The following FAM50A variants were observed in gnomAD, a reference collection of about 807,000 sequenced individuals.
FAM50A encodes protein FAM50A.
FAM50A carries 6 observed loss-of-function variants against 35.5 expected under a neutral mutation model. The ratio of observed to expected loss-of-function variants is 0.17; its 90% CI spans 0.09 to 0.33. The LOEUF (loss-of-function observed/expected upper bound fraction) is 0.33, where lower values mean the gene tolerates loss of function less well. FAM50A is among the 10% of genes least tolerant of loss of function. The pLI, the probability that FAM50A is intolerant of heterozygous loss-of-function variation, is 1.00. For missense variants in FAM50A, 145 were observed against 295.5 expected (o/e 0.49, Z 3.73); for synonymous variants, 120 against 110.9 (o/e 1.08, Z -0.52).
chrX:154,449,760 C>T (rs374055296), intron 9 of FAM50A, 25 bp downstream of exon 9: 100 of 1,196,453 alleles, frequency 8.4e-5, no homozygotes, highest in Non-Finnish European at 1.1e-4. Flanking sequence ...CCCCAGTACC[C>T]GCAGTGGGTG....
At position 154,450,041 on chromosome X, in the gene FAM50A, A is replaced by C; in HGVS notation, c.842A>C (p.Asn281Thr). Reference sequence around the variant, plus strand: ...TTCTCCCCTGCAGGACCACTCTTCAACTTTGATGTTCATGACGATGTGCGG... The same window carrying C: ...TTCTCCCCTGCAGGACCACTCTTCACCTTTGATGTTCATGACGATGTGCGG... ...KARGKSGPLF[N>T]FDVHDDVRLL... The change falls in exon 11 of 13, where the codon AAC becomes ACC. Residue 281 changes from asparagine to threonine, a missense_variant. Transcript: ENST00000393600. 1 of 1,210,934 alleles carries C rather than the reference A, an allele frequency of 8.3e-7. No homozygotes were observed. Among genetic ancestry groups the C allele is most frequent in the Non-Finnish European group, 1.1e-6 (1 of 895,034 alleles).
At chrX:154,447,504 A>G in intron 4 of FAM50A, among the ~76,000 whole-genome samples, 1 of 112,228 alleles carries the variant, frequency 8.9e-6, no homozygotes, top group Non-Finnish European at 1.9e-5. Flanking sequence ...AAAAGAAACA[A>G]GCAGGATTTT....
Position 154,448,723 on chromosome X carries a change from C to G in FAM50A, c.553C>G (p.Gln185Glu). 8.3e-7 allele frequency: 1 copy of G among 1,210,092 alleles called. No individual in the cohort carries two copies. The highest frequency in any genetic ancestry group is 1.1e-6 in the Non-Finnish European group (1 of 894,915). ...EENRLREELR[Q>E]EWEAKQEKIK... ...GAATCGGCTTCGGGAAGAGCTGCGG[C>G]AGGAGTGGGAAGCCAAGCAGGAGAA... Residue 185 changes from glutamine (Q) to glutamate (E), a missense_variant, in exon 6 of 13, where the codon CAG (glutamine) becomes GAG (glutamate). This residue lies in a region of FAM50A where 59 missense variants were observed against 164.5 expected (regional missense o/e 0.36). Coordinates refer to ENST00000393600, the MANE Select transcript of FAM50A (RefSeq NM_004699.4).
At chrX:154,448,059 C>CTTTTTTT (rs1324356165) in intron 4 of FAM50A, among the ~76,000 whole-genome samples, 2 of 84,801 alleles carry the variant, frequency 2.4e-5, no homozygotes, top group African/African-American at 1.3e-4. Flanking sequence ...TTGTTCTTTT[C>CTTTTTTT]TTTTTTTTCT....
Position 154,448,512 on chromosome X carries a change from G to A in FAM50A, c.471G>A (p.Gly157=). ...EEITTKKRKL[G]KNPDVDTSFL... ...TCACCACGAAGAAGAGAAAACTGGG[G>A]AAGAACCCAGACGTTGACACAAGCT... Residue 157 remains glycine (G), a synonymous_variant, in exon 5 of 13, where the codon GGG becomes GGA. Coordinates refer to ENST00000393600, the MANE Select transcript of FAM50A (RefSeq NM_004699.4). The A allele has an allele frequency of 8.3e-7, 1 of 1,210,158 alleles. No individual in the cohort carries two copies. The highest frequency in any genetic ancestry group is 1.1e-6 in the Non-Finnish European group (1 of 894,436).
At chrX:154,446,041 G>T (rs1467526695) in intron 3 of FAM50A, 130 bp downstream of exon 3, 1 of 490,630 alleles carries the variant, frequency 2.0e-6, no homozygotes, top group Non-Finnish European at 3.5e-6. Flanking sequence ...TCTAGCTTGC[G>T]ATTTGCATTT....
chrX:154,446,814 G>A (rs187731614), intron 4 of FAM50A, among the ~76,000 whole-genome samples: 79 of 112,498 alleles, frequency 7.0e-4, no homozygotes, highest in African/African-American at 2.5e-3. Context: ...TGCCTCGTAT[G>A]ACTGGGGCAC....
intron 4 of FAM50A, among the ~76,000 whole-genome samples, chrX:154,448,072 C>CTTTTTTTTTTTTTTTTTTTTTTTTTTTT (rs781847663): frequency 2.4e-5 from 2 of 82,850 alleles, no homozygotes; most frequent in East Asian, 3.4e-4. Flanking sequence ...TTTTTTCTTT[C>CTTTTTTTTTTTTTTTTTTTTTTTTTTTT]TTTTTTTTTT....
rs2068799741 is a variant in FAM50A, at chrX:154,450,170, G to T, written c.901-39G>T. On this transcript the variant is annotated intron_variant, in intron 11 of 12. Transcript: ENST00000393600. ...TATGGAGGAGAAGCCAAGGGAAGGG[G>T]AGGTCAGCAGGCGGCCCTGTGCCCT... 2.5e-6 allele frequency: 3 copies of T among 1,200,221 alleles called. No homozygotes were observed. In the South Asian group the frequency reaches 5.3e-5, roughly 21 times the overall value.
rs782240521 is a variant in FAM50A, at chrX:154,450,619, G to A, written c.*187G>A. 4.2e-5 allele frequency: 19 copies of A among 454,873 alleles called. No homozygotes were observed. Among genetic ancestry groups the A allele is most frequent in the Non-Finnish European group, 6.1e-5 (16 of 264,385 alleles). 37.5% of individuals were successfully genotyped at this position (454,873 alleles called of 1,213,427 possible). The stretch of plus-strand genomic sequence containing the variant: ...ATTCTTTTCCAATAAAGAAGTGCAC[G>A]TGTCAGAGCTGGAGCGCCTGCATTG... On this transcript the variant is annotated 3_prime_UTR_variant, in exon 13 of 13. Coordinates refer to ENST00000393600, the MANE Select transcript of FAM50A (RefSeq NM_004699.4).
At position 154,448,720 on chromosome X, in the gene FAM50A, C is replaced by T. The variant is rs782214551; in HGVS notation, c.550C>T (p.Arg184Trp). 1.7e-6 allele frequency: 2 copies of T among 1,209,980 alleles called. No homozygotes were observed. The highest frequency in any genetic ancestry group is 1.8e-5 in the South Asian group (1 of 56,917). ...GGAGAATCGGCTTCGGGAAGAGCTG[C>T]GGCAGGAGTGGGAAGCCAAGCAGGA... The part of the protein sequence containing the change: ...EEENRLREEL[R>W]QEWEAKQEKI... Residue 184 changes from arginine to tryptophan, a missense_variant, in exon 6 of 13, where the codon CGG (arginine) becomes TGG (tryptophan). Arg to Trp is a moderately radical substitution (Grantham distance 101). Coordinates refer to ENST00000393600, the MANE Select transcript of FAM50A (RefSeq NM_004699.4).
chrX:154,449,919 C>T lies in FAM50A; in HGVS notation c.817C>T (p.Arg273Trp), dbSNP rs2068798311. The part of the protein sequence containing the change: ...SFYDFIVTKA[R>W]GKSGPLFNFD... ...CTACGACTTCATCGTCACCAAGGCACGGGGGAAGAGTGGTGAGTGCCGCCG... is the reference window on the plus strand; with the variant it reads ...CTACGACTTCATCGTCACCAAGGCATGGGGGAAGAGTGGTGAGTGCCGCCG... Residue 273 changes from arginine to tryptophan, a missense_variant, in exon 10 of 13, where the codon CGG becomes TGG. By Grantham distance (101) the Arg-to-Trp change is moderately radical. Transcript: ENST00000393600. 1.7e-6 allele frequency: 2 copies of T among 1,211,367 alleles called. No homozygotes were observed. The highest frequency in any genetic ancestry group is 2.2e-6 in the Non-Finnish European group (2 of 895,178).
intron 5 of FAM50A, 31 bp from the exon 6 acceptor site, chrX:154,448,659 G>A (rs782755542): frequency 1.6e-4 from 186 of 1,199,955 alleles, no homozygotes; most frequent in Non-Finnish European, 2.1e-4. Flanking sequence ...GCAGCCCTGG[G>A]CCTCACCTGT....
chrX:154,449,121 C>A, intron 7 of FAM50A, 100 bp from the exon 8 acceptor site: 1 of 904,185 alleles, frequency 1.1e-6, no homozygotes, highest in Non-Finnish European at 1.6e-6. Context: ...CTGGCTGAGG[C>A]TCTGCAGCGT....
chrX:154,450,268 C>T lies in FAM50A; in HGVS notation c.960C>T (p.Pro320=), dbSNP rs201052035. The T allele has an allele frequency of 4.1e-5, 49 of 1,209,421 alleles. No homozygotes were observed. The highest frequency in any genetic ancestry group is 2.3e-4 in the Middle Eastern group (1 of 4,352). ...SWYEKNKHIF[P]ASRWEPYDPE... ...ACGAGAAGAACAAGCACATCTTTCC[C>T]GCCAGCCGCTGGGAACCCTACGACC... Residue 320 remains proline (P), a synonymous_variant, in exon 12 of 13, where the codon CCC becomes CCT. Coordinates refer to ENST00000393600, the MANE Select transcript of FAM50A (RefSeq NM_004699.4).
intron 1 of FAM50A, among the ~76,000 whole-genome samples, chrX:154,445,083 C>T (rs1402054589): frequency 3.6e-5 from 4 of 111,228 alleles, no homozygotes; most frequent in African/African-American, 9.8e-5. Flanking sequence ...GCCCTGGCCG[C>T]ACTGTCTGAG....
Position 154,450,597 on chromosome X carries a change from C to G in FAM50A, c.*165C>G. 8.2e-6 allele frequency: 4 copies of G among 487,415 alleles called. No homozygotes were observed. Among genetic ancestry groups the G allele is most frequent in the Non-Finnish European group, 1.4e-5 (4 of 289,482 alleles). 40.2% of individuals were successfully genotyped at this position (487,415 alleles called of 1,213,427 possible). On this transcript the variant is annotated 3_prime_UTR_variant, in exon 13 of 13. Coordinates refer to ENST00000393600, the MANE Select transcript of FAM50A (RefSeq NM_004699.4). The stretch of plus-strand genomic sequence containing the variant: ...CTGCCACATCAGTGACTGCTTTATT[C>G]TTTTCCAATAAAGAAGTGCACGTGT...
At chrX:154,449,453 C>T (rs2068795812) in intron 8 of FAM50A, among the ~76,000 whole-genome samples, 156 bp downstream of exon 8, 1 of 112,552 alleles carries the variant, frequency 8.9e-6, no homozygotes, top group African/African-American at 3.2e-5. Context: ...CTCTTCCCTT[C>T]CCTCCCACCA....
rs1557199748 is a variant in FAM50A at position 154,445,862 on chromosome X, G to A, written c.247G>A (p.Glu83Lys). The A allele has an allele frequency of 8.3e-7, 1 of 1,211,171 alleles. No individual in the cohort carries two copies. Among genetic ancestry groups the A allele is most frequent in the East Asian group, 3.0e-5 (1 of 33,832 alleles). Reference sequence around the variant, plus strand: ...GGCCAAGCAGGAGGCTCTGGTGAAGGAGCGGGAGAAGCAGCTGGCCAAGAA... The same window carrying A: ...GGCCAAGCAGGAGGCTCTGGTGAAGAAGCGGGAGAAGCAGCTGGCCAAGAA... ...MKAKQEALVK[E>K]REKQLAKKEQ... Residue 83 changes from glutamate to lysine, a missense_variant, in exon 3 of 13, where the codon GAG becomes AAG. Physicochemically the swap from Glu to Lys is moderately conservative, Grantham distance 56 (BLOSUM62 1). Around this residue, in one of 5 missense-constraint regions of FAM50A, gnomAD observed 31 missense variants for 75.2 expected, o/e 0.41. Transcript: ENST00000393600.
Sources: allele counts gnomAD v4.1 joint callset (sites outside exome capture counted in the v4.1 genomes callset), GRCh38; gene constraint gnomAD v4.1.1; regional missense constraint gnomAD v4.1.1; transcripts MANE v1.5; gene names NCBI Gene and HGNC (gene_info 2026-07-23, HGNC 2026-07-21).